Variants in GSG1L observed in about 807,000 individuals in gnomAD.
GSG1L encodes GSG1 like.
Under a neutral mutation model 42.1 loss-of-function variants are expected in GSG1L, and 24 were observed. That is an observed-to-expected ratio of 0.57 (90% CI 0.41 to 0.80). The LOEUF (loss-of-function observed/expected upper bound fraction) is 0.80, where lower values mean the gene tolerates loss of function less well. GSG1L is among the 30% of genes least tolerant of loss of function. GSG1L has a pLI of 0.00. For synonymous variants in GSG1L, 215 were observed against 203.5 expected, an observed-to-expected ratio of 1.06 and a Z score of -0.48; for missense variants, 445 against 472.2, an observed-to-expected ratio of 0.94 and a Z score of 0.53.
At chr16:27,983,760 G>A (rs1190252228) in intron 1 of GSG1L, among the ~76,000 whole-genome samples, 3 of 152,082 alleles carry the variant, frequency 2.0e-5, no homozygotes, top group Admixed American at 2.0e-4. Flanking sequence ...CAAAATGGGG[G>A]GCAGGGATAC....
intron 1 of GSG1L, among the ~76,000 whole-genome samples, chr16:28,005,780 G>C (rs2085630869): frequency 6.6e-6 from 1 of 152,266 alleles, no homozygotes; most frequent in Non-Finnish European, 1.5e-5. Flanking sequence ...CAGAATAAAG[G>C]CTTAATAAGT....
chr16:27,959,236 T>C (rs2141103690), intron 2 of GSG1L, among the ~76,000 whole-genome samples: 1 of 150,306 alleles, frequency 6.7e-6, no homozygotes, highest in East Asian at 2.0e-4. Context: ...CGTGGGAGGA[T>C]CGTTTGAGTC....
chr16:28,002,732 C>T (rs1206829641), intron 1 of GSG1L, among the ~76,000 whole-genome samples: 2 of 151,466 alleles, frequency 1.3e-5, no homozygotes, highest in Admixed American at 1.3e-4. Context: ...AGATCAAGAC[C>T]ATCCTGGCTA....
At chr16:27,967,512 A>ATAAG (rs1467145316) in intron 1 of GSG1L, among the ~76,000 whole-genome samples, 1 of 152,230 alleles carries the variant, frequency 6.6e-6, no homozygotes, top group African/African-American at 2.4e-5. Flanking sequence ...GACAAAGACG[A>ATAAG]TAAGGCCCAG....
intron 4 of GSG1L, among the ~76,000 whole-genome samples, chr16:27,843,436 G>A (rs1389750088): frequency 6.7e-6 from 1 of 148,448 alleles, no homozygotes; most frequent in Non-Finnish European, 1.5e-5. Flanking sequence ...CTATCTCTCT[G>A]CTGGTATTGC....
intron 2 of GSG1L, among the ~76,000 whole-genome samples, chr16:27,899,520 C>T (rs555829528): frequency 6.6e-5 from 10 of 152,226 alleles, no homozygotes; most frequent in African/African-American, 1.9e-4. Context: ...AGTTCAAGGC[C>T]AGCCTGGGCA....
chr16:28,053,633 C>T (rs1276164814), intron 1 of GSG1L, among the ~76,000 whole-genome samples: 2 of 152,218 alleles, frequency 1.3e-5, no homozygotes, highest in African/African-American at 4.8e-5. Context: ...GTGCTGCTAC[C>T]GCCTCCCCTG....
chr16:28,042,833 G>A (rs1334512849), intron 1 of GSG1L, among the ~76,000 whole-genome samples: 1 of 152,184 alleles, frequency 6.6e-6, no homozygotes, highest in Non-Finnish European at 1.5e-5. Flanking sequence ...ACGAAGACTT[G>A]GCAGATCGGA....
At chr16:28,006,331 C>T (rs1365821597) in intron 1 of GSG1L, among the ~76,000 whole-genome samples, 2 of 91,594 alleles carry the variant, frequency 2.2e-5, no homozygotes, top group African/African-American at 7.9e-5. Flanking sequence ...TTATTTAAGA[C>T]AGAGTCTCGC....
chr16:27,889,784 G>A (rs2084102669), intron 2 of GSG1L, among the ~76,000 whole-genome samples: 1 of 152,104 alleles, frequency 6.6e-6, no homozygotes. Context: ...AGTCTCCCCA[G>A]GGAGCATTTC....
At chr16:27,837,462 C>A (rs1003752030) in intron 4 of GSG1L, among the ~76,000 whole-genome samples, 1 of 152,182 alleles carries the variant, frequency 6.6e-6, no homozygotes, top group Non-Finnish European at 1.5e-5. Context: ...TTCTGACTCC[C>A]CATTAGGCCT....
chr16:27,890,136 G>A (rs373290601), intron 2 of GSG1L, among the ~76,000 whole-genome samples: 8 of 152,270 alleles, frequency 5.3e-5, no homozygotes, highest in Non-Finnish European at 1.0e-4. Flanking sequence ...GCTGTGGGGC[G>A]TAGGATTCCC....
chr16:28,029,896 G>A (rs1203952270), intron 1 of GSG1L, among the ~76,000 whole-genome samples: 4 of 152,146 alleles, frequency 2.6e-5, no homozygotes, highest in Admixed American at 2.0e-4. Flanking sequence ...GCACGCACAT[G>A]TGGGCCGTGT....
chr16:28,056,891 G>A (rs1008691560), intron 1 of GSG1L, among the ~76,000 whole-genome samples: 3 of 152,218 alleles, frequency 2.0e-5, no homozygotes, highest in South Asian at 2.1e-4. Context: ...GAGTGCCGGC[G>A]GGCAGCAAGG....
chr16:28,033,341 T>C (rs1160266152), intron 1 of GSG1L, among the ~76,000 whole-genome samples: 1 of 152,222 alleles, frequency 6.6e-6, no homozygotes, highest in African/African-American at 2.4e-5. Flanking sequence ...TGTGATGCCA[T>C]TTATTTTTTA....
At chr16:27,951,930 C>T (rs749115) in intron 2 of GSG1L, among the ~76,000 whole-genome samples, 62,383 of 152,014 alleles carry the variant, frequency 0.41, 13,004 homozygotes, top group Middle Eastern at 0.43. Context: ...TGGAGCCAAC[C>T]ACATTGTTAC....
intron 3 of GSG1L, among the ~76,000 whole-genome samples, chr16:27,862,700 G>A (rs2083669087): frequency 6.6e-6 from 1 of 152,124 alleles, no homozygotes; most frequent in South Asian, 2.1e-4. Context: ...ATTTGGTCTT[G>A]ACACCTAACT....
chr16:27,915,263 T>C lies in GSG1L; in HGVS notation c.398-30625A>G, dbSNP rs546723014. 6.8e-5 allele frequency among the ~76,000 whole-genome samples: 9 copies of C among 132,422 alleles called. No individual in the cohort carries two copies. The South Asian group carries it at 2.3e-3, about 34-fold the overall frequency. The allele number at this position is 132,422 out of a possible 152,430, so 86.9% of individuals were successfully genotyped here. On this transcript the variant is annotated intron_variant, in intron 2 of 6. Coordinates refer to ENST00000447459, the MANE Select transcript of GSG1L (RefSeq NM_001109763.2). ...CACCCTGTTGGTTTTGAAAACTCAC[T>C]GGAAAATAGGGAGGGAGGGGCAGGG...
chr16:27,940,317 T>C (rs8043755), intron 2 of GSG1L, among the ~76,000 whole-genome samples: 102,752 of 144,900 alleles, frequency 0.71, 36,612 homozygotes, highest in Non-Finnish European at 0.75. Flanking sequence ...GATCTAGAAC[T>C]AGAAATACCA....
Sources: gnomAD v4.1 joint callset for allele counts (sites outside exome capture counted in the v4.1 genomes callset) on GRCh38, gnomAD v4.1.1 for gene constraint, MANE v1.5 for transcripts, NCBI Gene and HGNC (gene_info 2026-07-23, HGNC 2026-07-21) for gene names.